COL5A2: variants seen among roughly 807,000 people sequenced by gnomAD.
COL5A2 encodes the protein collagen alpha-2(V) chain.
COL5A2 carries 23 observed loss-of-function variants against 208.2 expected under a neutral mutation model. The ratio of observed to expected loss-of-function variants is 0.11; its 90% CI spans 0.08 to 0.16. The LOEUF is 0.16. Ranked by LOEUF, COL5A2 falls within the 10% of genes least tolerant of loss-of-function variation. COL5A2 has a pLI of 1.00. For synonymous variants in COL5A2, 625 were observed against 628.5 expected (o/e 0.99, Z 0.08); for missense variants, 1,590 against 1,956.4 (o/e 0.81, Z 3.53).
At chr2:189,282,617 T>C in the COL5A2 span, among the ~76,000 whole-genome samples, 11 of 152,342 alleles carry the variant, frequency 7.2e-5, no homozygotes, top group African/African-American at 2.4e-4. Flanking sequence ...AAATTTCATA[T>C]GACAACATAC....
chr2:189,116,899 A>T (rs1390555081), intron 1 of COL5A2, among the ~76,000 whole-genome samples: 1 of 152,180 alleles, frequency 6.6e-6, no homozygotes, highest in Non-Finnish European at 1.5e-5. Flanking sequence ...TGAAAAGGAG[A>T]TGACTCATAG....
At chr2:189,406,177 A>G in the COL5A2 span, among the ~76,000 whole-genome samples, 3 of 152,218 alleles carry the variant, frequency 2.0e-5, no homozygotes, top group Admixed American at 6.5e-5. Context: ...ACAGAAAAAT[A>G]TCATTATCAA....
At chr2:189,187,150 AC>A (rs1281979560) in intron 1 of COL5A2, among the ~76,000 whole-genome samples, 1 of 152,202 alleles carries the variant, frequency 6.6e-6, no homozygotes, top group African/African-American at 2.4e-5. Flanking sequence ...ATTCCAGCTC[AC>A]ACATACTCTT....
At chr2:189,246,259 A>G in the COL5A2 span, among the ~76,000 whole-genome samples, 1 of 152,156 alleles carries the variant, frequency 6.6e-6, no homozygotes, top group Admixed American at 6.6e-5. Context: ...TTCTAGTTGG[A>G]TATCTTTGTT....
At chr2:189,413,421 C>T in the COL5A2 span, among the ~76,000 whole-genome samples, 85,821 of 151,838 alleles carry the variant, frequency 0.57, 26,056 homozygotes, top group East Asian at 0.69. Context: ...GCCAAATCTC[C>T]AGGGAAAAAA....
At chr2:189,175,223 G>A (rs567575072) in intron 1 of COL5A2, among the ~76,000 whole-genome samples, 1 of 152,210 alleles carries the variant, frequency 6.6e-6, no homozygotes, top group South Asian at 2.1e-4. Context: ...AGTTTTGTGT[G>A]ACCATATGAC....
In COL5A2 at chr2:189,051,405, G is replaced by C. The variant is rs201961021; in HGVS notation, c.2846C>G (p.Ser949Cys). Residue 949 changes from serine (S) to cysteine (C), a missense_variant, in exon 42 of 54, where the codon TCT becomes TGT. Transcript: ENST00000374866. ...GPPGLRGDPG[S>C]HGRVGDRGPA... ...TCCTCGATCTCCCACACGCCCATGAGAGCCAGGGTCCCCACGAAGACCTGG... is the reference window on the plus strand; with the variant it reads ...TCCTCGATCTCCCACACGCCCATGACAGCCAGGGTCCCCACGAAGACCTGG... The C allele has an allele frequency of 2.7e-5, 43 of 1,614,032 alleles. No individual in the cohort carries two copies. In the East Asian group the frequency reaches 7.1e-4, roughly 27 times the overall value.
the COL5A2 span, among the ~76,000 whole-genome samples, chr2:189,437,024 A>G: frequency 6.6e-6 from 1 of 151,446 alleles, no homozygotes; most frequent in South Asian, 2.1e-4. Flanking sequence ...AAGTTGATTT[A>G]AAAAAAAAGA....
chr2:189,180,356 T>G (rs1020911228), upstream of COL5A2, among the ~76,000 whole-genome samples: 1 of 152,190 alleles, frequency 6.6e-6, no homozygotes, highest in Non-Finnish European at 1.5e-5. Flanking sequence ...TGTGATACAT[T>G]GTAATTTGAA....
chr2:189,128,823 CT>C (rs1687657463), intron 1 of COL5A2, among the ~76,000 whole-genome samples: 1 of 151,974 alleles, frequency 6.6e-6, no homozygotes, highest in Non-Finnish European at 1.5e-5. Context: ...ATATCTTCTG[CT>C]TCTTCCTTAT....
intron 1 of COL5A2, among the ~76,000 whole-genome samples, chr2:189,225,095 A>G (rs1210740017): frequency 1.3e-5 from 2 of 152,198 alleles, no homozygotes; most frequent in African/African-American, 4.8e-5. Context: ...TACTAAAACT[A>G]TACTGAGGGA....
chr2:189,208,600 A>G (rs1689171263), intron 1 of COL5A2, among the ~76,000 whole-genome samples: 1 of 152,336 alleles, frequency 6.6e-6, no homozygotes, highest in South Asian at 2.1e-4. Context: ...ATAAGAATAG[A>G]AACGAAGGAT....
the COL5A2 span, among the ~76,000 whole-genome samples, chr2:189,394,636 C>CTG: frequency 1.3e-5 from 2 of 152,184 alleles, no homozygotes; most frequent in Non-Finnish European, 2.9e-5. Context: ...GCTATCCAGT[C>CTG]TGTTACAGTA....
the COL5A2 span, among the ~76,000 whole-genome samples, chr2:189,399,523 T>TA: frequency 1.3e-5 from 2 of 152,332 alleles, no homozygotes; most frequent in African/African-American, 4.8e-5. Context: ...GTGCTGGAAT[T>TA]ACAGGCGTGA....
At chr2:189,223,243 A>AT (rs1039520391) in intron 1 of COL5A2, among the ~76,000 whole-genome samples, 2 of 152,132 alleles carry the variant, frequency 1.3e-5, no homozygotes, top group Non-Finnish European at 2.9e-5. Context: ...CAAATTTAAC[A>AT]TTTTTTTCCT....
chr2:189,234,224 T>A, the COL5A2 span, among the ~76,000 whole-genome samples: 1 of 151,726 alleles, frequency 6.6e-6, no homozygotes, highest in Non-Finnish European at 1.5e-5. Context: ...CTCAGCCTAG[T>A]CCCATTCCAC....
chr2:189,355,923 C>A, the COL5A2 span, among the ~76,000 whole-genome samples: 31 of 152,060 alleles, frequency 2.0e-4, 1 homozygote, highest in Non-Finnish European at 7.4e-5. Context: ...ACCGGTTGTT[C>A]CTTTCCATGT....
the COL5A2 span, among the ~76,000 whole-genome samples, chr2:189,406,284 C>T: frequency 5.3e-5 from 8 of 152,118 alleles, no homozygotes; most frequent in East Asian, 1.5e-3. Context: ...AAATATATTT[C>T]TTCTACTATT....
At chr2:189,330,603 G>A in the COL5A2 span, among the ~76,000 whole-genome samples, 1 of 152,278 alleles carries the variant, frequency 6.6e-6, no homozygotes, top group Non-Finnish European at 1.5e-5. Flanking sequence ...TCTGTCCGTT[G>A]AGAAATCTGA....
Sources: allele counts gnomAD v4.1 joint callset (sites outside exome capture counted in the v4.1 genomes callset), GRCh38; gene constraint gnomAD v4.1.1; transcripts MANE v1.5; gene names NCBI Gene and HGNC (gene_info 2026-07-23, HGNC 2026-07-21).